Variants in DPP10 observed in about 807,000 individuals in gnomAD.
DPP10 encodes the protein dipeptidyl peptidase like 10.
Under a neutral mutation model 120.9 loss-of-function variants are expected in DPP10, and 33 were observed. The observed-to-expected ratio is 0.27, with a 90% confidence interval of 0.21 to 0.37. The LOEUF is 0.37. Among genes scored for constraint, DPP10 ranks in the 10% least tolerant of loss-of-function variants. The pLI, the probability that DPP10 is intolerant of heterozygous loss-of-function variation, is 1.00. For synonymous variants in DPP10, 337 were observed against 326.1 expected, an observed-to-expected ratio of 1.03 and a Z score of -0.36; for missense variants, 816 against 942.8, an observed-to-expected ratio of 0.87 and a Z score of 1.76.
intron 1 of DPP10, among the ~76,000 whole-genome samples, chr2:115,115,125 T>C (rs2049432423): frequency 1.3e-5 from 2 of 151,986 alleles, no homozygotes; most frequent in South Asian, 4.2e-4. Context: ...ATCGGAGACC[T>C]ACGGGGAGGT....
intron 1 of DPP10, among the ~76,000 whole-genome samples, chr2:114,993,580 G>GTGTATATATATATATATATATATATA (rs71394121): frequency 7.2e-5 from 7 of 97,324 alleles, no homozygotes; most frequent in African/African-American, 1.5e-4. Flanking sequence ...GTGTGTGTGT[G>GTGTATATATATATATATATATATATA]TATATATATA....
chr2:114,851,294 T>C (rs189102685), intron 1 of DPP10, among the ~76,000 whole-genome samples: 1 of 152,312 alleles, frequency 6.6e-6, no homozygotes, highest in Admixed American at 6.5e-5. Context: ...TATTGTTATA[T>C]GGGAGTTTAT....
At chr2:115,351,921 A>G (rs2064061586) in intron 3 of DPP10, among the ~76,000 whole-genome samples, 1 of 152,112 alleles carries the variant, frequency 6.6e-6, no homozygotes, top group Admixed American at 6.6e-5. Context: ...ATACTGTGGC[A>G]ATCTTACATA....
intron 1 of DPP10, among the ~76,000 whole-genome samples, chr2:114,886,908 C>G (rs984945054): frequency 6.6e-6 from 1 of 152,160 alleles, no homozygotes; most frequent in Admixed American, 6.5e-5. Context: ...CTCCTGCCAC[C>G]TGCCTTCCCA....
chr2:114,658,636 C>T (rs1056422544), intron 1 of DPP10, among the ~76,000 whole-genome samples: 1 of 152,122 alleles, frequency 6.6e-6, no homozygotes, highest in Admixed American at 6.6e-5. Flanking sequence ...TTGGATCACA[C>T]ATATAAGACT....
chr2:115,218,004 C>T (rs1033693549), intron 1 of DPP10, among the ~76,000 whole-genome samples: 10 of 152,128 alleles, frequency 6.6e-5, no homozygotes, highest in Admixed American at 6.6e-4. Context: ...GTCTCTTACT[C>T]ATGAGATTGT....
At chr2:114,887,859 G>A (rs1692197593) in intron 1 of DPP10, among the ~76,000 whole-genome samples, 1 of 152,196 alleles carries the variant, frequency 6.6e-6, no homozygotes, top group Non-Finnish European at 1.5e-5. Context: ...AGTATCATGG[G>A]TTAGGCGAGG....
At chr2:114,529,777 T>C (rs1330858146) in intron 1 of DPP10, among the ~76,000 whole-genome samples, 1 of 152,126 alleles carries the variant, frequency 6.6e-6, no homozygotes, top group Admixed American at 6.5e-5. Flanking sequence ...GTACAGATTA[T>C]TTCATCACAC....
intron 3 of DPP10, among the ~76,000 whole-genome samples, chr2:115,480,042 G>A (rs1319034212): frequency 2.6e-5 from 4 of 152,100 alleles, no homozygotes; most frequent in Admixed American, 2.6e-4. Flanking sequence ...TCTGGGTGCT[G>A]CAGGCCATAA....
At chr2:115,799,317 T>C (rs529051966) in intron 19 of DPP10, among the ~76,000 whole-genome samples, 1 of 152,214 alleles carries the variant, frequency 6.6e-6, no homozygotes, top group Admixed American at 6.5e-5. Context: ...GAAAATTATA[T>C]TGATACATAT....
intron 1 of DPP10, among the ~76,000 whole-genome samples, chr2:114,727,322 G>T (rs1676430592): frequency 6.6e-6 from 1 of 152,142 alleles, no homozygotes; most frequent in Non-Finnish European, 1.5e-5. Context: ...CCTCGAGGCT[G>T]GTTTGCAGCT....
chr2:115,702,349 G>A (rs1349304640), intron 7 of DPP10, among the ~76,000 whole-genome samples: 1 of 151,954 alleles, frequency 6.6e-6, no homozygotes, highest in Non-Finnish European at 1.5e-5. Flanking sequence ...CCATTCCTAG[G>A]TATATGCCTA....
chr2:115,840,857 G>C (rs756424304), intron 25 of DPP10, 34 bp downstream of exon 25: 1 of 1,580,344 alleles, frequency 6.3e-7, no homozygotes, highest in Non-Finnish European at 8.7e-7. Flanking sequence ...GTGTTTTCCT[G>C]CTGTGTTTTT....
chr2:114,581,906 C>G (rs1245013461), intron 1 of DPP10, among the ~76,000 whole-genome samples: 1 of 152,170 alleles, frequency 6.6e-6, no homozygotes, highest in African/African-American at 2.4e-5. Context: ...TAACAACATA[C>G]TGTACCACAC....
intron 5 of DPP10, among the ~76,000 whole-genome samples, chr2:115,663,041 A>T (rs959012201): frequency 4.0e-5 from 6 of 151,724 alleles, no homozygotes; most frequent in African/African-American, 1.5e-4. Context: ...AGGTGTATAT[A>T]TTTGGGGGGC....
chr2:115,220,377 G>GACCTTACGAAAGAT (rs1491274878), intron 1 of DPP10, among the ~76,000 whole-genome samples: 6 of 99,030 alleles, frequency 6.1e-5, no homozygotes, highest in Admixed American at 6.0e-4. Context: ...TCTTCCGTGT[G>GACCTTACGAAAGAT]ACCTTACGAA....
chr2:115,129,628 C>T (rs1573718983), intron 1 of DPP10, among the ~76,000 whole-genome samples: 2 of 152,088 alleles, frequency 1.3e-5, no homozygotes, highest in African/African-American at 2.4e-5. Flanking sequence ...CAAACCATCA[C>T]GATTTCTGTC....
intron 1 of DPP10, among the ~76,000 whole-genome samples, chr2:114,659,584 C>CTTCCTG (rs1697241126): frequency 2.0e-5 from 3 of 152,016 alleles, no homozygotes. Flanking sequence ...CCCAAGAGTG[C>CTTCCTG]ATTCATTGCT....
At chr2:114,636,261 C>A (rs1695295502) in intron 1 of DPP10, among the ~76,000 whole-genome samples, 1 of 151,952 alleles carries the variant, frequency 6.6e-6, no homozygotes, top group Admixed American at 6.6e-5. Context: ...CATTTTGTCA[C>A]AGAGAATATT....
Sources: allele counts gnomAD v4.1 joint callset (sites outside exome capture counted in the v4.1 genomes callset), GRCh38; gene constraint gnomAD v4.1.1; transcripts MANE v1.5; gene names NCBI Gene and HGNC (gene_info 2026-07-23, HGNC 2026-07-21).